KCNQ5: variants seen among roughly 807,000 people sequenced by gnomAD.
KCNQ5 encodes the protein potassium voltage-gated channel subfamily KQT member 5.
A neutral mutation model predicts 98.2 loss-of-function variants in KCNQ5; 30 were observed. The observed-to-expected ratio is 0.31, with a 90% CI of 0.23 to 0.41. The LOEUF is 0.41. Ranked by LOEUF, KCNQ5 falls within the 10% of genes least tolerant of loss-of-function variation. The pLI is 1.00. For synonymous variants in KCNQ5, 458 were observed against 449.4 expected, an observed-to-expected ratio of 1.02 and a Z score of -0.24; for missense variants, 835 against 1,182.5, an observed-to-expected ratio of 0.71 and a Z score of 4.31.
At chr6:72,759,216 G>A (rs970433208) in intron 1 of KCNQ5, among the ~76,000 whole-genome samples, 1 of 152,146 alleles carries the variant, frequency 6.6e-6, no homozygotes, top group Non-Finnish European at 1.5e-5. Context: ...TCCTCTCTGG[G>A]AATGTGAAGA....
chr6:73,158,130 G>T, intron 10 of KCNQ5: 1 of 403,944 alleles, frequency 2.5e-6, no homozygotes, highest in South Asian at 2.1e-5. Flanking sequence ...TCCCGCTACA[G>T]GTTGCTCCTG....
At chr6:73,038,736 G>A (rs1582237426) in intron 2 of KCNQ5, among the ~76,000 whole-genome samples, 1 of 151,986 alleles carries the variant, frequency 6.6e-6, no homozygotes, top group South Asian at 2.1e-4. Context: ...CTGATTGACT[G>A]TTTGCTAATA....
chr6:72,917,349 G>A (rs1397027872), intron 1 of KCNQ5, among the ~76,000 whole-genome samples: 2 of 152,116 alleles, frequency 1.3e-5, no homozygotes, highest in African/African-American at 4.8e-5. Context: ...TGTAAGACAT[G>A]AAAAAGCTTT....
At chr6:72,726,184 T>C (rs1287909435) in intron 1 of KCNQ5, among the ~76,000 whole-genome samples, 1 of 151,036 alleles carries the variant, frequency 6.6e-6, no homozygotes, top group Non-Finnish European at 1.5e-5. Context: ...AAAGTATAGA[T>C]AAAAATCTGT....
chr6:72,647,019 C>T (rs1765623578), intron 1 of KCNQ5, among the ~76,000 whole-genome samples: 1 of 152,124 alleles, frequency 6.6e-6, no homozygotes, highest in African/African-American at 2.4e-5. Context: ...ACTCTAATCA[C>T]GTCTTGTAAA....
chr6:73,002,598 G>C (rs768283207), intron 1 of KCNQ5, among the ~76,000 whole-genome samples: 28 of 152,066 alleles, frequency 1.8e-4, no homozygotes, highest in Non-Finnish European at 3.4e-4. Flanking sequence ...AAACATGTTG[G>C]GATAAATATA....
intron 10 of KCNQ5, among the ~76,000 whole-genome samples, chr6:73,147,126 C>A (rs1046449924): frequency 2.0e-5 from 3 of 152,056 alleles, no homozygotes; most frequent in African/African-American, 7.2e-5. Flanking sequence ...AACGACTTAA[C>A]CTCACTGCCA....
At chr6:73,179,740 A>G (rs1354298653) in intron 11 of KCNQ5, among the ~76,000 whole-genome samples, 1 of 152,186 alleles carries the variant, frequency 6.6e-6, no homozygotes, top group African/African-American at 2.4e-5. Context: ...GAGTAGGTAA[A>G]GCACTGTCAT....
intron 1 of KCNQ5, among the ~76,000 whole-genome samples, chr6:72,713,027 C>A (rs906534287): frequency 6.6e-6 from 1 of 152,132 alleles, no homozygotes; most frequent in African/African-American, 2.4e-5. Flanking sequence ...ATTTTAGGTG[C>A]TCAGTAATAT....
intron 2 of KCNQ5, among the ~76,000 whole-genome samples, chr6:73,014,781 ATGTT>A (rs1770242106): frequency 6.6e-6 from 1 of 152,080 alleles, no homozygotes; most frequent in South Asian, 2.1e-4. Flanking sequence ...AATTTGTTAC[ATGTT>A]TGTTTTCTTT....
At chr6:72,966,109 T>A (rs1330039081) in intron 1 of KCNQ5, among the ~76,000 whole-genome samples, 1 of 152,212 alleles carries the variant, frequency 6.6e-6, no homozygotes, top group Non-Finnish European at 1.5e-5. Flanking sequence ...ATATTTTTAT[T>A]ACTTTGAGAT....
intron 1 of KCNQ5, among the ~76,000 whole-genome samples, chr6:72,999,099 C>T (rs1769444904): frequency 6.6e-6 from 1 of 152,310 alleles, no homozygotes; most frequent in African/African-American, 2.4e-5. Flanking sequence ...ATTTTCACAT[C>T]ATTTTCATTC....
chr6:72,665,613 A>C (rs1400020401), intron 1 of KCNQ5, among the ~76,000 whole-genome samples: 1 of 152,208 alleles, frequency 6.6e-6, no homozygotes, highest in African/African-American at 2.4e-5. Flanking sequence ...CATTAGAAGC[A>C]CAGTCTCTGC....
intron 1 of KCNQ5, among the ~76,000 whole-genome samples, chr6:72,754,931 A>G (rs867616449): frequency 5.3e-5 from 8 of 150,898 alleles, no homozygotes; most frequent in African/African-American, 1.9e-4. Flanking sequence ...TGAGTTTGTC[A>G]CTTTTTTTTT....
At chr6:72,756,106 T>A (rs961155158) in intron 1 of KCNQ5, among the ~76,000 whole-genome samples, 1 of 152,210 alleles carries the variant, frequency 6.6e-6, no homozygotes, top group Non-Finnish European at 1.5e-5. Context: ...TTTTAGAAAT[T>A]TGTGAAACTT....
chr6:73,098,262 GA>G (rs1774605549), intron 5 of KCNQ5, among the ~76,000 whole-genome samples: 1 of 151,772 alleles, frequency 6.6e-6, no homozygotes, highest in Non-Finnish European at 1.5e-5. Flanking sequence ...AAAAAAGAAG[GA>G]AATGCCCAAA....
chr6:72,986,207 G>A (rs1305835371), intron 1 of KCNQ5: 2 of 174,116 alleles, frequency 1.1e-5, no homozygotes, highest in Non-Finnish European at 2.4e-5. Flanking sequence ...TCCAGCCTGG[G>A]TGACAGTGTG....
At chr6:73,058,289 G>A (rs1772616359) in intron 3 of KCNQ5, among the ~76,000 whole-genome samples, 1 of 152,162 alleles carries the variant, frequency 6.6e-6, no homozygotes, top group South Asian at 2.1e-4. Context: ...GCGGGCACCT[G>A]TAGTCCCAGC....
chr6:72,988,257 G>A (rs1768903417), intron 1 of KCNQ5, among the ~76,000 whole-genome samples: 2 of 152,140 alleles, frequency 1.3e-5, no homozygotes, highest in South Asian at 4.1e-4. Flanking sequence ...TCTTATAGAT[G>A]AGGCAAAGGA....
Sources: gnomAD v4.1 joint callset for allele counts (sites outside exome capture counted in the v4.1 genomes callset) on GRCh38, gnomAD v4.1.1 for gene constraint, MANE v1.5 for transcripts, NCBI Gene and HGNC (gene_info 2026-07-23, HGNC 2026-07-21) for gene names.